TMEM185A: variants seen among roughly 807,000 people sequenced by gnomAD.
The protein encoded by TMEM185A is transmembrane protein 185A, also known as family with sequence similarity 11, member A.
In TMEM185A, 9 loss-of-function variants were observed where a neutral mutation model predicts 25.0. The ratio of observed to expected loss-of-function variants is 0.36; its 90% CI spans 0.22 to 0.63. The LOEUF is 0.63. TMEM185A is among the 20% of genes least tolerant of loss of function. The probability of loss-of-function intolerance (pLI) is 0.68; values close to 1 mark genes in which losing one functional copy is unlikely to be tolerated. For synonymous variants in TMEM185A, 45 were observed against 93.5 expected, an observed-to-expected ratio of 0.48 and a Z score of 2.99; for missense variants, 103 against 237.4, an observed-to-expected ratio of 0.43 and a Z score of 3.72.
At chrX:149,609,926 T>G (rs1231435949) in intron 2 of TMEM185A, among the ~76,000 whole-genome samples, 2 of 111,757 alleles carry the variant, frequency 1.8e-5, no homozygotes, top group Non-Finnish European at 3.8e-5. Flanking sequence ...ATTAGATATC[T>G]GAAAATATCT....
At chrX:149,628,672 T>C (rs1464808785) in intron 1 of TMEM185A, among the ~76,000 whole-genome samples, 1 of 111,957 alleles carries the variant, frequency 8.9e-6, no homozygotes, top group East Asian at 2.8e-4. Flanking sequence ...ACCCATGCCT[T>C]GGGACCCACC....
At chrX:149,625,641 C>T (rs1483346093) in intron 1 of TMEM185A, among the ~76,000 whole-genome samples, 2 of 111,855 alleles carry the variant, frequency 1.8e-5, no homozygotes, top group Non-Finnish European at 3.8e-5. Context: ...TCAGTCAGAG[C>T]CAAGGTTAGT....
Position 149,596,908 on chromosome X carries a change from G to A in TMEM185A, c.*1103C>T, listed in dbSNP as rs1336318074. The stretch of plus-strand genomic sequence containing the variant: ...ACACACGGTGGAACCTGCAGTGCTT[G>A]GAGAAACGGCACGCACACGTGAAAA... On this transcript the variant is annotated 3_prime_UTR_variant, in exon 7 of 7. Transcript: ENST00000600449. 6 of 109,414 alleles carry A rather than the reference G, an allele frequency of 5.5e-5. No individual in the cohort carries two copies. The highest frequency in any genetic ancestry group is 1.1e-4 in the Non-Finnish European group (6 of 52,252). 9.0% of individuals were successfully genotyped at this position (109,414 alleles called of 1,213,427 possible).
chrX:149,625,292 G>A (rs1557355920), intron 1 of TMEM185A, among the ~76,000 whole-genome samples: 1 of 112,225 alleles, frequency 8.9e-6, no homozygotes, highest in Non-Finnish European at 1.9e-5. Context: ...AGTGGTAGAT[G>A]TCTATTTGTA....
At chrX:149,625,192 T>C (rs782538511) in intron 1 of TMEM185A, among the ~76,000 whole-genome samples, 1 of 111,636 alleles carries the variant, frequency 9.0e-6, no homozygotes, top group African/African-American at 3.3e-5. Flanking sequence ...AAACTCAAGC[T>C]CCATATTAAA....
intron 2 of TMEM185A, among the ~76,000 whole-genome samples, chrX:149,609,207 T>C (rs1462820142): frequency 8.9e-6 from 1 of 112,694 alleles, no homozygotes; most frequent in Non-Finnish European, 1.9e-5. Context: ...GCTGATTTGC[T>C]TCTGCTGCTA....
Position 149,631,735 on chromosome X carries a change from T to TCGCCGTCGTCGCCGC in TMEM185A, c.-156_-155insGCGGCGACGACGGCG, listed in dbSNP as rs1557356767. The stretch of plus-strand genomic sequence containing the variant: ...GTCCCCGCTGCCGTCGCCGTCGCCG[T>TCGCCGTCGTCGCCGC]CGCCGCCGCCGCCGCCGCCGCCGCC... On this transcript the variant is annotated 5_prime_UTR_variant, in exon 1 of 7. Transcript: ENST00000600449. The TCGCCGTCGTCGCCGC allele has an allele frequency of 3.1e-6, 1 of 327,457 alleles. No homozygotes were observed. Among genetic ancestry groups the TCGCCGTCGTCGCCGC allele is most frequent in the Non-Finnish European group, 4.9e-6 (1 of 204,604 alleles). The allele number at this position is 327,457 out of a possible 1,213,427, so 27.0% of individuals were successfully genotyped here. A position where few individuals can be genotyped will look rare whatever the true frequency, so the allele number is the denominator to read the frequency against.
At chrX:149,604,925 G>A (rs1241566013) in intron 3 of TMEM185A, among the ~76,000 whole-genome samples, 13 of 111,383 alleles carry the variant, frequency 1.2e-4, no homozygotes, top group African/African-American at 4.3e-4. Flanking sequence ...GAGTGTTCTG[G>A]TAATTCCTTC....
At chrX:149,602,111 T>C (rs1557352419) in intron 4 of TMEM185A, 1 of 98,720 alleles carries the variant, frequency 1.0e-5, no homozygotes, top group African/African-American at 3.7e-5. Flanking sequence ...TGCCAATTTT[T>C]AGGTGTTTCT....
At chrX:149,631,278 T>C (rs1342324951) in intron 1 of TMEM185A, among the ~76,000 whole-genome samples, 2 of 109,877 alleles carry the variant, frequency 1.8e-5, no homozygotes, top group African/African-American at 3.3e-5. Flanking sequence ...TGGGGTTCCC[T>C]TGGGGCAGGA....
chrX:149,604,755 C>A (rs1327005607), intron 3 of TMEM185A, among the ~76,000 whole-genome samples: 2 of 111,494 alleles, frequency 1.8e-5, no homozygotes, highest in African/African-American at 6.5e-5. Flanking sequence ...GCCTCCACCC[C>A]CATGACCACC....
At chrX:149,631,044 T>C (rs1459341792) in intron 1 of TMEM185A, among the ~76,000 whole-genome samples, 1 of 110,203 alleles carries the variant, frequency 9.1e-6, no homozygotes, top group African/African-American at 3.3e-5. Flanking sequence ...GTGTTTCAGG[T>C]ATCCGTTCAA....
chrX:149,608,333 C>CTT (rs781794975), intron 3 of TMEM185A: 104 of 154,393 alleles, frequency 6.7e-4, no homozygotes, highest in Middle Eastern at 2.3e-3. Flanking sequence ...TGAAAACATT[C>CTT]TTTTTTTTTT....
chrX:149,607,953 A>G (rs375392161), intron 3 of TMEM185A, among the ~76,000 whole-genome samples: 4 of 112,127 alleles, frequency 3.6e-5, no homozygotes, highest in East Asian at 2.8e-4. Context: ...GGTTTCCTGG[A>G]GAGGAAAAAA....
chrX:149,626,007 G>A (rs2090161342), intron 1 of TMEM185A, among the ~76,000 whole-genome samples: 1 of 112,351 alleles, frequency 8.9e-6, no homozygotes, highest in African/African-American at 3.2e-5. Context: ...AAGAGCACAG[G>A]CTTCATGAGA....
At chrX:149,603,632 C>CCA (rs1175289846) in intron 4 of TMEM185A, 5 of 137,835 alleles carry the variant, frequency 3.6e-5, no homozygotes, top group Non-Finnish European at 5.7e-5. Context: ...AATGGAAATA[C>CCA]CATATTTTAG....
chrX:149,612,141 C>A (rs1411058684), intron 1 of TMEM185A, among the ~76,000 whole-genome samples: 1 of 111,999 alleles, frequency 8.9e-6, no homozygotes, highest in African/African-American at 3.2e-5. Flanking sequence ...TATTTCCAGC[C>A]TTGACTTAAT....
At chrX:149,630,347 G>C (rs782580444) in intron 1 of TMEM185A, among the ~76,000 whole-genome samples, 5 of 107,518 alleles carry the variant, frequency 4.7e-5, no homozygotes, top group Non-Finnish European at 9.7e-5. Flanking sequence ...TCAACAAGCA[G>C]CCAAGGCATA....
intron 1 of TMEM185A, among the ~76,000 whole-genome samples, chrX:149,626,916 C>T (rs2090166163): frequency 1.8e-5 from 2 of 112,272 alleles, no homozygotes; most frequent in South Asian, 7.4e-4. Flanking sequence ...GCATACTTCG[C>T]CTCCAGCCAC....
Sources: gnomAD v4.1 joint callset for allele counts (sites outside exome capture counted in the v4.1 genomes callset) on GRCh38, gnomAD v4.1.1 for gene constraint, MANE v1.5 for transcripts, NCBI Gene and HGNC (gene_info 2026-07-23, HGNC 2026-07-21) for gene names.